Variants in CNGB1 observed in about 807,000 individuals in gnomAD.
CNGB1 encodes the protein cyclic nucleotide-gated channel beta-1.
CNGB1 carries 126 observed loss-of-function variants against 151.7 expected under a neutral mutation model. The observed-to-expected ratio is 0.83, with a 90% CI of 0.72 to 0.96. CNGB1 has a LOEUF of 0.96. Among genes scored for constraint, CNGB1 ranks in the 40% least tolerant of loss-of-function variants. The pLI is 0.00. For missense variants in CNGB1, 1,698 were observed against 1,627.0 expected (o/e 1.04, Z -0.75); for synonymous variants, 623 against 635.1 (o/e 0.98, Z 0.29).
At chr16:57,935,119 G>T (rs1961473440) in intron 16 of CNGB1, among the ~76,000 whole-genome samples, 1 of 151,686 alleles carries the variant, frequency 6.6e-6, no homozygotes, top group Non-Finnish European at 1.5e-5. Flanking sequence ...GTGCCACTGT[G>T]GCCTTAGAGC....
rs886673007 is a variant in CNGB1, at chr16:57,888,059, G to A, written c.3258C>T (p.Ser1086=). The A allele has an allele frequency of 2.5e-6, 4 of 1,613,944 alleles. No homozygotes were observed. The highest frequency in any genetic ancestry group is 1.6e-4 in the Middle Eastern group (1 of 6,062). Residue 1086 remains serine (S), a synonymous_variant, in exon 32 of 33, where the codon AGC becomes AGT. Coordinates refer to ENST00000251102, the MANE Select transcript of CNGB1 (RefSeq NM_001297.5). ...TCTTCTCCTCCTTGGGCTTATTGTTGCTTCTCAGCATGCGCCTGGAAGAAA... is the reference window on the plus strand; with the variant it reads ...TCTTCTCCTCCTTGGGCTTATTGTTACTTCTCAGCATGCGCCTGGAAGAAA... The part of the protein sequence containing the change: ...LRKKARRMLR[S]NNKPKEEKSV...
chr16:57,959,461 A>G (rs1428648386), intron 10 of CNGB1, among the ~76,000 whole-genome samples: 1 of 152,118 alleles, frequency 6.6e-6, no homozygotes, highest in African/African-American at 2.4e-5. Flanking sequence ...TAAAAATACA[A>G]AAGTTAGCCG....
chr16:57,884,030 C>A lies in CNGB1; in HGVS notation c.*134G>T, dbSNP rs751720550. The A allele has an allele frequency of 3.1e-6, 4 of 1,295,360 alleles. No individual in the cohort carries two copies. The highest frequency in any genetic ancestry group is 4.4e-6 in the Non-Finnish European group (4 of 906,152). The allele number at this position is 1,295,360 out of a possible 1,614,324, so 80.2% of individuals were successfully genotyped here. A position where few individuals can be genotyped will look rare whatever the true frequency, so the allele number is the denominator to read the frequency against. ...GCTGGCGGGACGGTCAGAGCTGCAG[C>A]CACTGAGGTCACGACTACGGAAAAG... On this transcript the variant is annotated 3_prime_UTR_variant, in exon 33 of 33. Transcript: ENST00000251102.
intron 16 of CNGB1, among the ~76,000 whole-genome samples, chr16:57,937,772 T>C (rs1961551809): frequency 6.6e-6 from 1 of 152,218 alleles, no homozygotes; most frequent in Non-Finnish European, 1.5e-5. Context: ...GCAGTAACTC[T>C]TCCTATGGCC....
At chr16:57,956,081 A>G (rs1357582612) in intron 12 of CNGB1, among the ~76,000 whole-genome samples, 2 of 152,182 alleles carry the variant, frequency 1.3e-5, no homozygotes, top group Non-Finnish European at 2.9e-5. Flanking sequence ...GGCCCTGGCC[A>G]CAGCTGGCGG....
chr16:57,911,926 G>A, intron 24 of CNGB1, 51 bp from the exon 25 acceptor site: 1 of 1,606,582 alleles, frequency 6.2e-7, no homozygotes, highest in Non-Finnish European at 8.5e-7. Context: ...GGGAGGTGAG[G>A]TATAGACACC....
rs141161289 is a variant in CNGB1, at chr16:57,941,035, G to T, written c.1122-714C>A. On this transcript the variant is annotated intron_variant, in intron 14 of 32. Transcript: ENST00000251102. Reference sequence around the variant, plus strand: ...CTGGAAAAGGGGGCCCAGGTGGCCAGATCATTCCATTTTCAAACAGAGCCT... The same window carrying T: ...CTGGAAAAGGGGGCCCAGGTGGCCATATCATTCCATTTTCAAACAGAGCCT... 2.4e-3 allele frequency among the ~76,000 whole-genome samples: 370 copies of T among 152,296 alleles called. 1 individual carries two copies. Among genetic ancestry groups the T allele is most frequent in the African/African-American group, 8.4e-3 (349 of 41,560 alleles).
intron 14 of CNGB1, among the ~76,000 whole-genome samples, chr16:57,942,418 G>A (rs1961692118): frequency 1.3e-5 from 2 of 152,060 alleles, no homozygotes; most frequent in Non-Finnish European, 1.5e-5. Flanking sequence ...AAATTCAGTA[G>A]CATTTCAATA....
At chr16:57,909,047 T>C (rs1213080905) in intron 25 of CNGB1, among the ~76,000 whole-genome samples, 1 of 152,166 alleles carries the variant, frequency 6.6e-6, no homozygotes, top group Non-Finnish European at 1.5e-5. Context: ...CACAGGCAGA[T>C]AGCTTGAGCT....
At chr16:57,923,149 C>T (rs1961089988) in intron 18 of CNGB1, 124 bp downstream of exon 18, 2 of 678,842 alleles carry the variant, frequency 2.9e-6, no homozygotes, top group African/African-American at 1.8e-5. Context: ...CGACTTACTG[C>T]TCGGAAGCCA....
intron 8 of CNGB1, 46 bp from the exon 9 acceptor site, chr16:57,960,576 G>A (rs1207261845): frequency 6.3e-7 from 1 of 1,596,038 alleles, no homozygotes; most frequent in South Asian, 1.1e-5. Flanking sequence ...AGCAAGCTCT[G>A]TGCGCTTCCC....
At chr16:57,890,040 T>C (rs1960043257) in intron 31 of CNGB1, among the ~76,000 whole-genome samples, 1 of 152,144 alleles carries the variant, frequency 6.6e-6, no homozygotes, top group African/African-American at 2.4e-5. Context: ...GGGTAGATTT[T>C]CCATCAAAGA....
chr16:57,950,519 T>C lies in CNGB1; in HGVS notation c.896A>G (p.Gln299Arg). ...CTCTAGGACAAGGTCAGGCTCCACT[T>C]GTCCTCCAGGAAGGATGCTGACTGC... ...VQTISILPGG[Q>R]VEPDLVLEEV... The change falls in exon 13 of 33, where the codon CAA (glutamine) becomes CGA (arginine). Residue 299 changes from glutamine (Q) to arginine (R), a missense_variant. By Grantham distance (43) the Gln-to-Arg change is conservative. Transcript: ENST00000251102. 1 of 1,614,168 alleles carries C rather than the reference T, an allele frequency of 6.2e-7. No homozygotes were observed. Among genetic ancestry groups the C allele is most frequent in the Non-Finnish European group, 8.5e-7 (1 of 1,180,034 alleles).
At chr16:57,907,340 T>A (rs1960581450) in intron 25 of CNGB1, among the ~76,000 whole-genome samples, 1 of 151,582 alleles carries the variant, frequency 6.6e-6, no homozygotes, top group Non-Finnish European at 1.5e-5. Context: ...GAAAGCCAGC[T>A]CTCTTTCCCT....
chr16:57,954,836 A>G lies in CNGB1; in HGVS notation c.874+2505T>C. On this transcript the variant is annotated intron_variant, in intron 12 of 32. Coordinates refer to ENST00000251102, the MANE Select transcript of CNGB1 (RefSeq NM_001297.5). The stretch of plus-strand genomic sequence containing the variant: ...AGGTGCTGACGGTGCCAGGTACCAC[A>G]CTGGGGGCTGTGCACGCGTCCTCTC... The G allele has an allele frequency of 6.0e-6, 6 of 993,902 alleles. No individual in the cohort carries two copies. In the South Asian group the frequency reaches 2.7e-4, roughly 45 times the overall value. 61.6% of individuals were successfully genotyped at this position (993,902 alleles called of 1,614,324 possible). A position where few individuals can be genotyped will look rare whatever the true frequency, so the allele number is the denominator to read the frequency against.
chr16:57,936,240 C>T (rs1162291305), intron 16 of CNGB1, among the ~76,000 whole-genome samples: 1 of 152,124 alleles, frequency 6.6e-6, no homozygotes, highest in Non-Finnish European at 1.5e-5. Context: ...ACTATCTGCA[C>T]CTGGAGCTTC....
chr16:57,925,499 C>T (rs569500907), intron 17 of CNGB1, among the ~76,000 whole-genome samples: 6 of 152,212 alleles, frequency 3.9e-5, no homozygotes, highest in Admixed American at 1.3e-4. Flanking sequence ...GACTAGAAAA[C>T]GGTTAGAGGC....
intron 17 of CNGB1, among the ~76,000 whole-genome samples, chr16:57,925,951 G>T (rs545905085): frequency 6.6e-6 from 1 of 152,280 alleles, no homozygotes; most frequent in African/African-American, 2.4e-5. Flanking sequence ...GCCTCCCAAA[G>T]TGCTGGGATT....
intron 16 of CNGB1, among the ~76,000 whole-genome samples, chr16:57,939,086 G>A (rs1282181901): frequency 6.6e-6 from 1 of 152,040 alleles, no homozygotes; most frequent in Non-Finnish European, 1.5e-5. Flanking sequence ...GCTGGCAGGA[G>A]GGACTGGCTG....
Sources: gnomAD v4.1 joint callset for allele counts (sites outside exome capture counted in the v4.1 genomes callset) on GRCh38, gnomAD v4.1.1 for gene constraint, MANE v1.5 for transcripts, NCBI Gene and HGNC (gene_info 2026-07-23, HGNC 2026-07-21) for gene names.